The following SOX5 variants were observed in gnomAD, a reference collection of about 807,000 sequenced individuals.
The protein encoded by SOX5 is SRY-box transcription factor 5, also known as transcription factor SOX-5.
A neutral mutation model predicts 92.0 loss-of-function variants in SOX5; 9 were observed. The ratio of observed to expected loss-of-function variants is 0.10; its 90% CI spans 0.06 to 0.17. SOX5 has a LOEUF of 0.17. SOX5 is among the 10% of genes least tolerant of loss of function. SOX5 has a pLI of 1.00. For synonymous variants in SOX5, 344 were observed against 336.3 expected, an observed-to-expected ratio of 1.02 and a Z score of -0.25; for missense variants, 642 against 944.5, an observed-to-expected ratio of 0.68 and a Z score of 4.20.
chr12:24,419,358 T>G (rs1327228960), intron 1 of SOX5, among the ~76,000 whole-genome samples: 1 of 152,196 alleles, frequency 6.6e-6, no homozygotes, highest in Non-Finnish European at 1.5e-5. Flanking sequence ...CAGGCTGGTC[T>G]CAATCTCCTT....
intron 1 of SOX5, among the ~76,000 whole-genome samples, chr12:24,556,844 G>A (rs1025430940): frequency 6.6e-6 from 1 of 152,164 alleles, no homozygotes; most frequent in Non-Finnish European, 1.5e-5. Flanking sequence ...ATTTTAAAGT[G>A]TTGATCTCAG....
chr12:23,679,124 T>C (rs936335121), intron 6 of SOX5, among the ~76,000 whole-genome samples: 5 of 152,134 alleles, frequency 3.3e-5, no homozygotes, highest in Admixed American at 2.6e-4. Context: ...ACTTTTTCTA[T>C]GCAGAGCCTC....
At chr12:23,799,405 C>T (rs2095622302) in intron 3 of SOX5, among the ~76,000 whole-genome samples, 1 of 151,966 alleles carries the variant, frequency 6.6e-6, no homozygotes, top group Non-Finnish European at 1.5e-5. Context: ...TCCTTTCTCC[C>T]TAACAATGTA....
intron 8 of SOX5, among the ~76,000 whole-genome samples, chr12:23,620,985 G>A (rs2077105840): frequency 1.3e-5 from 2 of 151,988 alleles, no homozygotes; most frequent in Admixed American, 6.6e-5. Context: ...AGACTTGCAA[G>A]AATTTAATCT....
intron 9 of SOX5, among the ~76,000 whole-genome samples, chr12:23,591,110 AT>A (rs772529821): frequency 2.6e-5 from 4 of 152,046 alleles, no homozygotes; most frequent in African/African-American, 7.2e-5. Context: ...TTCTAAAAAA[AT>A]ATATAGTTAT....
At chr12:23,859,300 C>A (rs2096728214) in intron 2 of SOX5, among the ~76,000 whole-genome samples, 1 of 152,130 alleles carries the variant, frequency 6.6e-6, no homozygotes, top group Admixed American at 6.5e-5. Context: ...TAATTGATAA[C>A]CCTGGGGAAG....
chr12:24,032,684 A>T (rs1033689601), intron 4 of SOX5, among the ~76,000 whole-genome samples: 4 of 151,932 alleles, frequency 2.6e-5, no homozygotes, highest in Non-Finnish European at 5.9e-5. Flanking sequence ...CAGGTAGGTA[A>T]AACTACTAAA....
chr12:23,612,906 G>T (rs1334206791), intron 8 of SOX5, among the ~76,000 whole-genome samples: 4 of 152,142 alleles, frequency 2.6e-5, no homozygotes, highest in African/African-American at 7.2e-5. Context: ...TAAATGTGGA[G>T]TTTAAAGAGA....
At chr12:23,782,135 A>T (rs1287722432) in intron 3 of SOX5, among the ~76,000 whole-genome samples, 1 of 152,058 alleles carries the variant, frequency 6.6e-6, no homozygotes, top group Non-Finnish European at 1.5e-5. Context: ...TCAGTTTCCA[A>T]CTCTAGGGAA....
At chr12:24,412,896 C>G in intron 1 of SOX5, among the ~76,000 whole-genome samples, 1 of 151,072 alleles carries the variant, frequency 6.6e-6, no homozygotes, top group Non-Finnish European at 1.5e-5. Flanking sequence ...GCTGGGACTA[C>G]AGGTGCCCAC....
rs565310017 is a variant in SOX5 at position 23,973,322 on chromosome 12, G to A, written c.-1-77298C>T. On this transcript the variant is annotated intron_variant, in intron 4 of 4. Transcript: ENST00000446891. ...ACTACAGGCACGCACCACCATGCCC[G>A]GCTAATTTTTTGTATTTTTATAAAG... Among the ~76,000 whole-genome samples, 219 of 151,658 alleles carry A rather than the reference G, an allele frequency of 1.4e-3. 1 individual carries two copies. The highest frequency in any genetic ancestry group is 4.6e-3 in the African/African-American group (192 of 41,368).
At chr12:24,247,113 G>C (rs942954063) in intron 3 of SOX5, among the ~76,000 whole-genome samples, 1 of 152,170 alleles carries the variant, frequency 6.6e-6, no homozygotes, top group African/African-American at 2.4e-5. Context: ...TCATTCACAC[G>C]AAATATATTT....
chr12:23,590,226 G>C (rs1006344990), intron 9 of SOX5, among the ~76,000 whole-genome samples: 1 of 151,936 alleles, frequency 6.6e-6, no homozygotes, highest in Admixed American at 6.6e-5. Flanking sequence ...TACATTTCTG[G>C]AACTGGGAGA....
At chr12:23,736,312 A>G (rs901746324) in intron 5 of SOX5, among the ~76,000 whole-genome samples, 2 of 151,962 alleles carry the variant, frequency 1.3e-5, no homozygotes, top group African/African-American at 4.8e-5. Flanking sequence ...ATACAAAAAA[A>G]TTAGCCAGGC....
intron 3 of SOX5, among the ~76,000 whole-genome samples, chr12:23,838,507 TA>T (rs1488040289): frequency 1.3e-5 from 2 of 152,046 alleles, no homozygotes; most frequent in Non-Finnish European, 2.9e-5. Context: ...ATGTTTATGC[TA>T]AAATTACCTT....
intron 2 of SOX5, among the ~76,000 whole-genome samples, chr12:23,870,236 T>C (rs1215528511): frequency 6.6e-6 from 1 of 151,900 alleles, no homozygotes; most frequent in African/African-American, 2.4e-5. Context: ...AAGAAAAGGG[T>C]ACACAGAAGT....
chr12:24,218,086 A>G (rs1959463415), intron 3 of SOX5, among the ~76,000 whole-genome samples: 1 of 152,232 alleles, frequency 6.6e-6, no homozygotes, highest in East Asian at 1.9e-4. Flanking sequence ...AAGTTTACAA[A>G]TAGAGTTACC....
At chr12:23,713,629 A>G (rs2092251057) in intron 6 of SOX5, among the ~76,000 whole-genome samples, 1 of 150,060 alleles carries the variant, frequency 6.7e-6, no homozygotes, top group Non-Finnish European at 1.5e-5. Flanking sequence ...TAAGGGAAAT[A>G]TATATTCTCC....
intron 1 of SOX5, among the ~76,000 whole-genome samples, chr12:24,526,169 A>G (rs1327894306): frequency 2.0e-5 from 3 of 152,178 alleles, no homozygotes; most frequent in Non-Finnish European, 4.4e-5. Flanking sequence ...GAGGAAAAAA[A>G]TTAAACAATT....
Sources: gnomAD v4.1 joint callset for allele counts (sites outside exome capture counted in the v4.1 genomes callset) on GRCh38, gnomAD v4.1.1 for gene constraint, MANE v1.5 for transcripts, NCBI Gene and HGNC (gene_info 2026-07-23, HGNC 2026-07-21) for gene names.